TMEM131L: variants seen among roughly 807,000 people sequenced by gnomAD.
TMEM131L encodes the protein transmembrane protein 131-like.
TMEM131L carries 54 observed loss-of-function variants against 192.2 expected under a neutral mutation model. That is an observed-to-expected ratio of 0.28 (90% CI 0.23 to 0.35). The LOEUF (loss-of-function observed/expected upper bound fraction) is 0.35, where lower values mean the gene tolerates loss of function less well. Ranked by LOEUF, TMEM131L falls within the 10% of genes least tolerant of loss-of-function variation. The pLI is 1.00. For missense variants in TMEM131L, 1,888 were observed against 1,972.9 expected, an observed-to-expected ratio of 0.96 and a Z score of 0.82; for synonymous variants, 701 against 704.9, an observed-to-expected ratio of 0.99 and a Z score of 0.09.
Position 153,566,666 on chromosome 4 carries a change from G to C in TMEM131L, c.660+8298G>C, listed in dbSNP as rs188121219. Among the ~76,000 whole-genome samples the C allele has an allele frequency of 2.4e-4, 36 of 152,228 alleles. No homozygotes were observed. In the East Asian group the frequency reaches 6.6e-3, roughly 28 times the overall value. Reference sequence around the variant, plus strand: ...GAAAACATGGGAAACCCAGAGAAATGAAACATTAGAAATAAACCTTAAGAC... The same window carrying C: ...GAAAACATGGGAAACCCAGAGAAATCAAACATTAGAAATAAACCTTAAGAC... On this transcript the variant is annotated intron_variant, in intron 7 of 34. Coordinates refer to ENST00000409959, the MANE Select transcript of TMEM131L (RefSeq NM_001131007.2).
Position 153,556,619 on chromosome 4 carries a change from A to G in TMEM131L, c.433-347A>G, listed in dbSNP as rs78440086. Among the ~76,000 whole-genome samples, 586 of 152,348 alleles carry G rather than the reference A, an allele frequency of 3.8e-3. 5 individuals carry two copies. The highest frequency in any genetic ancestry group is 0.013 in the African/African-American group (537 of 41,578). ...TTCCTGATTTTTATTACATATCAAC[A>G]TGTTTGCACGTTGGTTATTGTCTAT... On this transcript the variant is annotated intron_variant, in intron 5 of 34. Coordinates refer to ENST00000409959, the MANE Select transcript of TMEM131L (RefSeq NM_001131007.2).
chr4:153,509,454 T>G (rs190992662), intron 3 of TMEM131L, among the ~76,000 whole-genome samples: 1 of 152,116 alleles, frequency 6.6e-6, no homozygotes, highest in East Asian at 1.9e-4. Context: ...TGGCTGGGTG[T>G]GGTGGCTCAA....
intron 3 of TMEM131L, among the ~76,000 whole-genome samples, chr4:153,516,332 C>T (rs1225543366): frequency 6.6e-6 from 1 of 152,050 alleles, no homozygotes; most frequent in East Asian, 1.9e-4. Context: ...CAGGCTCAAG[C>T]GATCCTCCCA....
chr4:153,604,774 G>C (rs796284381), intron 25 of TMEM131L, among the ~76,000 whole-genome samples: 18 of 152,244 alleles, frequency 1.2e-4, no homozygotes, highest in African/African-American at 4.3e-4. Flanking sequence ...GTGTGATCTT[G>C]GCTCACTGTG....
At chr4:153,486,961 G>A (rs1382852456) in intron 3 of TMEM131L, among the ~76,000 whole-genome samples, 1 of 152,202 alleles carries the variant, frequency 6.6e-6, no homozygotes, top group East Asian at 1.9e-4. Flanking sequence ...AGCGGTCTAG[G>A]GCAGTGTTTC....
chr4:153,541,581 G>A (rs920380401), intron 3 of TMEM131L, among the ~76,000 whole-genome samples: 1 of 152,224 alleles, frequency 6.6e-6, no homozygotes, highest in Admixed American at 6.5e-5. Flanking sequence ...CCATCCACGG[G>A]ATGAGGCCTG....
Position 153,555,798 on chromosome 4 carries a change from A to G in TMEM131L, c.320A>G (p.His107Arg). 1.3e-6 allele frequency: 2 copies of G among 1,551,552 alleles called. No homozygotes were observed. The highest frequency in any genetic ancestry group is 1.7e-6 in the Non-Finnish European group (2 of 1,146,786). The change falls in exon 5 of 35, where the codon CAT becomes CGT. Residue 107 changes from histidine to arginine, a missense_variant. His to Arg is a conservative substitution (Grantham distance 29). Coordinates refer to ENST00000409959, the MANE Select transcript of TMEM131L (RefSeq NM_001131007.2). This position sits in a 1 kb window ranked among gnomAD's most constrained non-coding sequence, Gnocchi z 4.1. ...VLDFGIQFLG[H>R]PVAKILHAYN... Reference sequence around the variant, plus strand: ...GTTTCTCCTCCTAGGTTCCTGGGACATCCTGTAGCAAAGATTCTCCATGCT... The same window carrying G: ...GTTTCTCCTCCTAGGTTCCTGGGACGTCCTGTAGCAAAGATTCTCCATGCT...
intron 28 of TMEM131L, 86 bp from the exon 29 acceptor site, chr4:153,622,812 T>C (rs1021262655): frequency 7.3e-7 from 1 of 1,364,194 alleles, no homozygotes. Context: ...CTGGCCCTAC[T>C]CCTCCTGTCA....
At chr4:153,525,767 G>C (rs548543383) in intron 3 of TMEM131L, among the ~76,000 whole-genome samples, 1 of 152,174 alleles carries the variant, frequency 6.6e-6, no homozygotes. Context: ...ATATTAAGGC[G>C]CACAGGAATC....
At chr4:153,495,960 G>A (rs1187932714) in intron 3 of TMEM131L, among the ~76,000 whole-genome samples, 3 of 152,130 alleles carry the variant, frequency 2.0e-5, no homozygotes, top group Non-Finnish European at 4.4e-5. Flanking sequence ...TGAGGATGTG[G>A]CTGTGCTGAG....
intron 3 of TMEM131L, among the ~76,000 whole-genome samples, chr4:153,539,769 CT>C (rs1156635799): frequency 6.6e-6 from 1 of 151,370 alleles, no homozygotes; most frequent in Non-Finnish European, 1.5e-5. Flanking sequence ...TTGTATTTGT[CT>C]GAAGATCATT....
chr4:153,531,354 C>CTT (rs775867547), intron 3 of TMEM131L, among the ~76,000 whole-genome samples: 9 of 152,156 alleles, frequency 5.9e-5, no homozygotes, highest in Non-Finnish European at 1.0e-4. Context: ...CATGAGAATT[C>CTT]TTTTTAAAAG....
At chr4:153,484,942 AC>A in intron 3 of TMEM131L, among the ~76,000 whole-genome samples, 1 of 144,630 alleles carries the variant, frequency 6.9e-6, no homozygotes, top group African/African-American at 2.5e-5. Context: ...ACATGGTGAA[AC>A]CCCGTCTCTA....
intron 3 of TMEM131L, among the ~76,000 whole-genome samples, chr4:153,543,234 A>G (rs999135844): frequency 3.9e-4 from 59 of 152,144 alleles, no homozygotes; most frequent in African/African-American, 1.4e-3. Flanking sequence ...TCTATTGTTA[A>G]ATGGTTCTTT....
chr4:153,616,117 C>T (rs1257523375), intron 26 of TMEM131L, among the ~76,000 whole-genome samples: 3 of 152,086 alleles, frequency 2.0e-5, no homozygotes, highest in East Asian at 3.8e-4. Context: ...GTAGGACAGA[C>T]GTCTGCATCT....
chr4:153,467,356 A>G, intron 2 of TMEM131L, 75 bp downstream of exon 2: 2 of 1,288,628 alleles, frequency 1.6e-6, no homozygotes, highest in Non-Finnish European at 2.2e-6. Flanking sequence ...GGTCCTCCCC[A>G]CCCCCTGTCC....
chr4:153,583,220 A>G lies in TMEM131L; in HGVS notation c.923A>G (p.His308Arg). Residue 308 changes from histidine (H) to arginine (R), a missense_variant, in exon 10 of 35, where the codon CAT (histidine) becomes CGT (arginine). Transcript: ENST00000409959. Reference protein sequence around the residue: ...DDSAVNMYILHSGNSLIWIQD... With the variant: ...DDSAVNMYILRSGNSLIWIQD... ...TCAGCAGTAAATATGTATATATTAC[A>G]TTCAGGAAACAGCCTTATATGGATA... The G allele has an allele frequency of 6.8e-7, 1 of 1,470,046 alleles. No homozygotes were observed. The highest frequency in any genetic ancestry group is 9.5e-7 in the Non-Finnish European group (1 of 1,048,946). 91.1% of individuals were successfully genotyped at this position (1,470,046 alleles called of 1,614,324 possible). A position where few individuals can be genotyped will look rare whatever the true frequency, so the allele number is the denominator to read the frequency against.
chr4:153,511,923 A>G (rs1039678354), intron 3 of TMEM131L, among the ~76,000 whole-genome samples: 1 of 152,222 alleles, frequency 6.6e-6, no homozygotes, highest in African/African-American at 2.4e-5. Flanking sequence ...CATTTAAAAT[A>G]AACATTTAAT....
chr4:153,627,193 A>G (rs1481602055), intron 30 of TMEM131L, among the ~76,000 whole-genome samples: 3 of 152,112 alleles, frequency 2.0e-5, no homozygotes, highest in African/African-American at 7.2e-5. Flanking sequence ...CTGCTAGCCT[A>G]GGCACACTCC....
Sources: gnomAD v4.1 joint callset for allele counts (sites outside exome capture counted in the v4.1 genomes callset) on GRCh38, gnomAD v4.1.1 for gene constraint, Gnocchi (gnomAD v3.1) non-coding constraint, MANE v1.5 for transcripts, NCBI Gene and HGNC (gene_info 2026-07-23, HGNC 2026-07-21) for gene names.